Variants in ATXN7L1 observed in about 807,000 individuals in gnomAD.
ATXN7L1 encodes ataxin-7-like protein 1.
A neutral mutation model predicts 70.8 loss-of-function variants in ATXN7L1; 15 were observed. The observed-to-expected ratio is 0.21, with a 90% CI of 0.14 to 0.33. The LOEUF is 0.33. Among genes scored for constraint, ATXN7L1 ranks in the 10% least tolerant of loss-of-function variants. The pLI, the probability that ATXN7L1 is intolerant of heterozygous loss-of-function variation, is 1.00. For missense variants in ATXN7L1, 975 were observed against 1,097.1 expected, an observed-to-expected ratio of 0.89 and a Z score of 1.57; for synonymous variants, 440 against 445.1, an observed-to-expected ratio of 0.99 and a Z score of 0.14.
chr7:105,692,407 T>TTCCG, intron 3 of ATXN7L1, among the ~76,000 whole-genome samples: 1 of 82,300 alleles, frequency 1.2e-5, no homozygotes, highest in Non-Finnish European at 2.6e-5. Context: ...CCTTCCTTCC[T>TTCCG]TCCTTCCTTC....
intron 3 of ATXN7L1, among the ~76,000 whole-genome samples, chr7:105,668,053 T>C (rs1802927587): frequency 6.6e-6 from 1 of 152,080 alleles, no homozygotes; most frequent in African/African-American, 2.4e-5. Flanking sequence ...ACCTGAATAA[T>C]GAAGATACGT....
At chr7:105,652,527 C>T (rs774750822) in intron 4 of ATXN7L1, among the ~76,000 whole-genome samples, 18 of 152,172 alleles carry the variant, frequency 1.2e-4, no homozygotes, top group Admixed American at 7.2e-4. Context: ...GCACTCCCCT[C>T]GGCAGCCACC....
intron 2 of ATXN7L1, among the ~76,000 whole-genome samples, chr7:105,794,940 C>G (rs1011741207): frequency 1.3e-5 from 2 of 152,222 alleles, no homozygotes; most frequent in Non-Finnish European, 2.9e-5. Context: ...AGCAGCCCTC[C>G]ACTTCCCTTA....
chr7:105,702,293 T>C (rs1792551798), intron 3 of ATXN7L1, among the ~76,000 whole-genome samples: 2 of 152,198 alleles, frequency 1.3e-5, no homozygotes, highest in Non-Finnish European at 1.5e-5. Flanking sequence ...GGCCACCCTA[T>C]GGGGACTGGT....
intron 3 of ATXN7L1, among the ~76,000 whole-genome samples, chr7:105,787,950 T>C (rs1296167017): frequency 6.6e-6 from 1 of 152,238 alleles, no homozygotes; most frequent in Admixed American, 6.5e-5. Flanking sequence ...TAAGGCCAAA[T>C]GGCTGTTTAT....
At chr7:105,781,372 T>C (rs1415191589) in intron 3 of ATXN7L1, among the ~76,000 whole-genome samples, 1 of 152,234 alleles carries the variant, frequency 6.6e-6, no homozygotes, top group Non-Finnish European at 1.5e-5. Flanking sequence ...ATAGTCCAAA[T>C]TGACTGAAAA....
At chr7:105,641,709 C>T (rs958284173) in intron 5 of ATXN7L1, among the ~76,000 whole-genome samples, 1 of 152,248 alleles carries the variant, frequency 6.6e-6, no homozygotes, top group Non-Finnish European at 1.5e-5. Context: ...GGCTCCCGCC[C>T]GAACTGTGAG....
intron 2 of ATXN7L1, among the ~76,000 whole-genome samples, chr7:105,824,330 G>A (rs1003838919): frequency 6.6e-6 from 1 of 152,014 alleles, no homozygotes; most frequent in Non-Finnish European, 1.5e-5. Context: ...GAATGGCCAA[G>A]AATCACCAGA....
At chr7:105,819,444 T>TAA in intron 2 of ATXN7L1, 4 of 626,146 alleles carry the variant, frequency 6.4e-6, no homozygotes, top group Middle Eastern at 3.5e-4. Context: ...TATTTGGGAT[T>TAA]TAAAAAAAAA....
chr7:105,698,929 A>G (rs1792086082), intron 3 of ATXN7L1, among the ~76,000 whole-genome samples: 1 of 152,154 alleles, frequency 6.6e-6, no homozygotes, highest in African/African-American at 2.4e-5. Flanking sequence ...AGATATATAT[A>G]TATACCTTAC....
chr7:105,721,287 T>G (rs1419908913), intron 3 of ATXN7L1, among the ~76,000 whole-genome samples: 1 of 152,154 alleles, frequency 6.6e-6, no homozygotes, highest in African/African-American at 2.4e-5. Context: ...CATCATGGTT[T>G]CCAGCTTCCC....
intron 3 of ATXN7L1, among the ~76,000 whole-genome samples, chr7:105,733,670 C>CCATT (rs1796957539): frequency 4.1e-5 from 5 of 121,540 alleles, no homozygotes; most frequent in Non-Finnish European, 5.3e-5. Context: ...ATCCATCCAT[C>CCATT]CATCCATCCA....
intron 2 of ATXN7L1, among the ~76,000 whole-genome samples, chr7:105,869,000 T>G (rs2116673809): frequency 6.6e-6 from 1 of 152,348 alleles, no homozygotes; most frequent in Non-Finnish European, 1.5e-5. Context: ...ATACTCATTT[T>G]GGAAGCTTTG....
At chr7:105,870,273 C>T (rs1585199783) in intron 2 of ATXN7L1, among the ~76,000 whole-genome samples, 1 of 74,596 alleles carries the variant, frequency 1.3e-5, no homozygotes, top group Non-Finnish European at 2.6e-5. Context: ...CAGAGGGAGA[C>T]TCCATTTCAA....
At chr7:105,639,421 G>T in intron 6 of ATXN7L1, 66 bp downstream of exon 6, 1 of 1,249,608 alleles carries the variant, frequency 8.0e-7, no homozygotes, top group Non-Finnish European at 1.1e-6. Flanking sequence ...GCAGAGAGTG[G>T]CATGCAAACA....
At chr7:105,759,471 TG>T (rs1584938725) in intron 3 of ATXN7L1, among the ~76,000 whole-genome samples, 2 of 111,868 alleles carry the variant, frequency 1.8e-5, no homozygotes, top group South Asian at 3.1e-4. Flanking sequence ...TGTGTGTGTG[TG>T]TGTGTGTGTG....
At chr7:105,791,636 A>C (rs1425690531) in intron 2 of ATXN7L1, among the ~76,000 whole-genome samples, 1 of 152,280 alleles carries the variant, frequency 6.6e-6, no homozygotes, top group Non-Finnish European at 1.5e-5. Context: ...GAAAAAATAC[A>C]GAAAACCTAG....
In ATXN7L1 at chr7:105,784,530, G is replaced by T. The variant is rs182961118; in HGVS notation, c.355+4074C>A. Reference sequence around the variant, plus strand: ...ACTGCCATGCACCCATGGGAGAAGCGGGAGGTGGCACACATGACAGCATGG... The same window carrying T: ...ACTGCCATGCACCCATGGGAGAAGCTGGAGGTGGCACACATGACAGCATGG... On this transcript the variant is annotated intron_variant, in intron 3 of 11. Transcript: ENST00000419735. 3.8e-3 allele frequency among the ~76,000 whole-genome samples: 572 copies of T among 152,188 alleles called. 1 individual carries two copies. The highest frequency in any genetic ancestry group is 5.7e-3 in the Non-Finnish European group (387 of 67,998).
intron 3 of ATXN7L1, among the ~76,000 whole-genome samples, chr7:105,702,938 A>C (rs1792651300): frequency 6.6e-6 from 1 of 152,188 alleles, no homozygotes; most frequent in Admixed American, 6.5e-5. Flanking sequence ...CTAACAGTGA[A>C]ACCCCGTCTC....
Sources: gnomAD v4.1 joint callset for allele counts (sites outside exome capture counted in the v4.1 genomes callset) on GRCh38, gnomAD v4.1.1 for gene constraint, MANE v1.5 for transcripts, NCBI Gene and HGNC (gene_info 2026-07-23, HGNC 2026-07-21) for gene names.